Variants in TENM2 observed in about 807,000 individuals in gnomAD.
TENM2 encodes the protein teneurin transmembrane protein 2, also known as teneurin-2.
A neutral mutation model predicts 245.2 loss-of-function variants in TENM2; 52 were observed. The observed-to-expected ratio is 0.21, with a 90% CI of 0.17 to 0.27. The LOEUF is 0.27. Ranked by LOEUF, TENM2 falls within the 10% of genes least tolerant of loss-of-function variation. TENM2 has a pLI of 1.00. For synonymous variants in TENM2, 1,363 were observed against 1,438.9 expected (o/e 0.95, Z 1.19); for missense variants, 3,046 against 3,666.8 (o/e 0.83, Z 4.37).
intron 7 of TENM2, among the ~76,000 whole-genome samples, chr5:168,085,762 T>A (rs1204178155): frequency 6.6e-6 from 1 of 152,188 alleles, no homozygotes; most frequent in African/African-American, 2.4e-5. Flanking sequence ...TGCAGCTAAG[T>A]CATTCCCACC....
intron 2 of TENM2, among the ~76,000 whole-genome samples, chr5:167,500,486 T>A (rs1038606978): frequency 3.9e-5 from 6 of 152,018 alleles, no homozygotes; most frequent in African/African-American, 1.4e-4. Flanking sequence ...TCAAAATTTT[T>A]AAAAAAATAA....
intron 6 of TENM2, 106 bp downstream of exon 8, chr5:168,047,655 G>A: frequency 1.5e-6 from 2 of 1,355,828 alleles, no homozygotes; most frequent in Admixed American, 2.7e-5. Flanking sequence ...TATGCCAAAA[G>A]AAAAAGAAAC....
intron 5 of TENM2, among the ~76,000 whole-genome samples, chr5:168,044,407 A>C (rs1250735995): frequency 6.6e-6 from 1 of 152,234 alleles, no homozygotes; most frequent in Non-Finnish European, 1.5e-5. Context: ...AATGATTGGC[A>C]GCAGGTGTTG....
chr5:167,995,617 A>G (rs1783996988), intron 5 of TENM2, among the ~76,000 whole-genome samples: 1 of 152,196 alleles, frequency 6.6e-6, no homozygotes, highest in Non-Finnish European at 1.5e-5. Flanking sequence ...TCTTGGCCCC[A>G]GTTATTCCTT....
intron 2 of TENM2, among the ~76,000 whole-genome samples, chr5:167,516,423 C>T (rs1453808324): frequency 6.6e-6 from 1 of 152,174 alleles, no homozygotes; most frequent in Non-Finnish European, 1.5e-5. Flanking sequence ...TCCTTTGATG[C>T]CATGCTCGTG....
chr5:167,940,924 CAGAT>C, intron 3 of TENM2, among the ~76,000 whole-genome samples: 1 of 152,302 alleles, frequency 6.6e-6, no homozygotes, highest in Admixed American at 6.5e-5. Flanking sequence ...ATTAAAGTGT[CAGAT>C]AGGCAGTGTT....
chr5:167,862,766 G>A (rs1771938744), intron 2 of TENM2, among the ~76,000 whole-genome samples: 1 of 152,202 alleles, frequency 6.6e-6, no homozygotes, highest in African/African-American at 2.4e-5. Flanking sequence ...TGGAGAAGGT[G>A]AGGAAGATGC....
intron 1 of TENM2, among the ~76,000 whole-genome samples, chr5:167,317,036 T>G (rs1205785613): frequency 2.6e-5 from 4 of 152,128 alleles, no homozygotes; most frequent in Admixed American, 6.6e-5. Flanking sequence ...CTTTTCAGCC[T>G]TTATTTTCTT....
In TENM2 at chr5:168,218,344, A is replaced by G; in HGVS notation, c.4453A>G (p.Thr1485Ala). The G allele has an allele frequency of 1.2e-6, 2 of 1,614,010 alleles. No individual in the cohort carries two copies. The highest frequency in any genetic ancestry group is 1.7e-6 in the Non-Finnish European group (2 of 1,179,896). ...AGCCAGTGCCATTGCCATTTCTCAC[A>G]CTGGGGTCCTCTACATCACTGAGAC... Residue 1485 changes from threonine to alanine, a missense_variant, in exon 23 of 29, where the codon ACT (threonine) becomes GCT (alanine). This residue lies in a region of TENM2 where 2,704 missense variants were observed against 3,331.9 expected (regional missense o/e 0.81). Coordinates refer to ENST00000518659, the Ensembl canonical transcript of TENM2. This position sits in a 1 kb window ranked among gnomAD's most constrained non-coding sequence, Gnocchi z 5.2.
At chr5:168,173,987 G>A (rs1759098226) in intron 13 of TENM2, among the ~76,000 whole-genome samples, 1 of 152,188 alleles carries the variant, frequency 6.6e-6, no homozygotes, top group African/African-American at 2.4e-5. Context: ...GTACCTTGCA[G>A]CCTAGTCCAC....
At chr5:168,216,635 C>T in intron 21 of TENM2, 133 bp from the exon 24 acceptor site, 3 of 793,372 alleles carry the variant, frequency 3.8e-6, no homozygotes, top group Non-Finnish European at 6.3e-6. Context: ...AACCACTGCT[C>T]TGAGGGTACT....
chr5:168,122,947 G>A (rs1795572872), intron 10 of TENM2, among the ~76,000 whole-genome samples: 1 of 152,056 alleles, frequency 6.6e-6, no homozygotes, highest in African/African-American at 2.4e-5. Flanking sequence ...TAGTTAATTT[G>A]TGGCATGGAT....
intron 2 of TENM2, among the ~76,000 whole-genome samples, chr5:167,730,074 C>A (rs1760308958): frequency 6.6e-6 from 1 of 152,150 alleles, no homozygotes; most frequent in African/African-American, 2.4e-5. Context: ...TTGGAAATAA[C>A]AATAATGCTT....
At chr5:167,379,359 G>T (rs1760957058) in intron 2 of TENM2, among the ~76,000 whole-genome samples, 1 of 152,126 alleles carries the variant, frequency 6.6e-6, no homozygotes, top group Admixed American at 6.5e-5. Flanking sequence ...GAGACATGAG[G>T]AATGAAGCCT....
chr5:168,115,398 AAGGAAGGAAG>A (rs1794993503), intron 9 of TENM2, among the ~76,000 whole-genome samples: 1 of 118,878 alleles, frequency 8.4e-6, no homozygotes, highest in Admixed American at 7.9e-5. Context: ...GGAAGGAAGG[AAGGAAGGAAG>A]GGAAAGGAAA....
At chr5:167,893,069 T>C (rs1007097862) in intron 3 of TENM2, among the ~76,000 whole-genome samples, 3 of 152,118 alleles carry the variant, frequency 2.0e-5, no homozygotes, top group South Asian at 2.1e-4. Flanking sequence ...AGTATTACCT[T>C]TTGGCTAGGT....
chr5:167,327,280 G>GT (rs1444108179), intron 1 of TENM2, among the ~76,000 whole-genome samples: 3 of 152,100 alleles, frequency 2.0e-5, no homozygotes, highest in Non-Finnish European at 4.4e-5. Context: ...GCGGTGTTTG[G>GT]TTTTTTGTCC....
At chr5:167,516,328 C>T (rs1034226191) in intron 2 of TENM2, among the ~76,000 whole-genome samples, 4 of 152,160 alleles carry the variant, frequency 2.6e-5, no homozygotes, top group African/African-American at 9.6e-5. Flanking sequence ...CCTCTCTAGA[C>T]ATTTTAATGA....
chr5:167,128,538 A>G, the TENM2 span, among the ~76,000 whole-genome samples: 1 of 149,906 alleles, frequency 6.7e-6, no homozygotes, highest in African/African-American at 2.5e-5. Context: ...CCACCAGTCT[A>G]GTGTAGACTT....
Sources: allele counts gnomAD v4.1 joint callset (sites outside exome capture counted in the v4.1 genomes callset), GRCh38; gene constraint gnomAD v4.1.1; regional missense constraint gnomAD v4.1.1; non-coding constraint Gnocchi (gnomAD v3.1); transcripts MANE v1.5; gene names NCBI Gene and HGNC (gene_info 2026-07-23, HGNC 2026-07-21).